The following AFAP1 variants were observed in gnomAD, a reference collection of about 807,000 sequenced individuals.
AFAP1 encodes the protein actin filament associated protein 1, also known as actin filament-associated protein 1.
AFAP1 carries 75 observed loss-of-function variants against 93.9 expected under a neutral mutation model. That is an observed-to-expected ratio of 0.80 (90% CI 0.66 to 0.97). AFAP1 has a LOEUF of 0.97. Among genes scored for constraint, AFAP1 ranks in the 50% least tolerant of loss-of-function variants. AFAP1 has a pLI of 0.00. For synonymous variants in AFAP1, 517 were observed against 430.7 expected (o/e 1.20, Z -2.48); for missense variants, 1,201 against 1,050.8 (o/e 1.14, Z -1.98).
chr4:7,816,141 T>C, intron 7 of AFAP1, 42 bp from the exon 8 acceptor site: 2 of 1,543,700 alleles, frequency 1.3e-6, no homozygotes, highest in African/African-American at 2.7e-5. Flanking sequence ...CAGTGGTCAC[T>C]TGGACCCAGT....
rs28680312 is a variant in AFAP1 at position 7,857,023 on chromosome 4, G to A, written c.226-1449C>T. 2.2e-3 allele frequency among the ~76,000 whole-genome samples: 337 copies of A among 152,222 alleles called. 1 individual carries two copies. The highest frequency in any genetic ancestry group is 7.6e-3 in the African/African-American group (314 of 41,536). On this transcript the variant is annotated intron_variant, in intron 3 of 17. Transcript: ENST00000420658. Reference sequence around the variant, plus strand: ...GCCAGCTGGAGTTTTCAAACACCACGTCTGCCTGCTAAAGACCTTTTTAAT... The same window carrying A: ...GCCAGCTGGAGTTTTCAAACACCACATCTGCCTGCTAAAGACCTTTTTAAT...
chr4:7,830,886 G>A (rs1381889949), intron 6 of AFAP1, among the ~76,000 whole-genome samples: 2 of 152,180 alleles, frequency 1.3e-5, no homozygotes, highest in Non-Finnish European at 2.9e-5. Context: ...TGGGATTACA[G>A]AAGTGAAAGT....
rs549196729 is a variant in AFAP1 at position 7,760,725 on chromosome 4, T to C, written c.*3040A>G. On this transcript the variant is annotated 3_prime_UTR_variant, in exon 18 of 18. Coordinates refer to ENST00000420658, the MANE Select transcript of AFAP1 (RefSeq NM_001134647.2). Reference sequence around the variant, plus strand: ...GAAGGCTGATGACACCTTAACAAAATAGAGCCAGGAGCAGAGCCCTGAAGA... The same window carrying C: ...GAAGGCTGATGACACCTTAACAAAACAGAGCCAGGAGCAGAGCCCTGAAGA... 5 of 152,366 alleles carry C rather than the reference T, an allele frequency of 3.3e-5. No individual in the cohort carries two copies. In the South Asian group the frequency reaches 6.2e-4, roughly 19 times the overall value. 9.4% of individuals were successfully genotyped at this position (152,366 alleles called of 1,614,324 possible). A position where few individuals can be genotyped will look rare whatever the true frequency, so the allele number is the denominator to read the frequency against.
chr4:7,925,853 A>AG (rs1553857068), intron 1 of AFAP1, among the ~76,000 whole-genome samples: 1 of 147,254 alleles, frequency 6.8e-6, no homozygotes, highest in Admixed American at 6.8e-5. Flanking sequence ...CTCAAAAAAA[A>AG]AAAGAAAGAA....
rs1435756370 is a variant in AFAP1 at position 7,786,274 on chromosome 4, G to T, written c.1450C>A (p.Leu484Ile). ...GCATAGCCGTTGGAGGTGCCCCCTA[G>T]ATATGGGTTAGCAGATATAACACGC... ...NRRVISANPY[L>I]GGTSNGYAHP... The change falls in exon 12 of 18, where the codon CTA becomes ATA. Residue 484 changes from leucine to isoleucine, a missense_variant. Leu to Ile is a conservative substitution (Grantham distance 5). Transcript: ENST00000420658. The T allele has an allele frequency of 6.2e-7, 1 of 1,614,214 alleles. No homozygotes were observed. The highest frequency in any genetic ancestry group is 8.5e-7 in the Non-Finnish European group (1 of 1,180,044).
intron 14 of AFAP1, chr4:7,776,899 C>T (rs943629241): frequency 1.3e-5 from 2 of 152,208 alleles, no homozygotes; most frequent in Non-Finnish European, 2.9e-5. Flanking sequence ...ATCTTTTGGT[C>T]CCCATGTAAT....
chr4:7,893,404 C>A (rs901470399), intron 1 of AFAP1, among the ~76,000 whole-genome samples: 1 of 151,988 alleles, frequency 6.6e-6, no homozygotes, highest in Admixed American at 6.6e-5. Flanking sequence ...CATGGTGAAA[C>A]CCCGTCTCTA....
chr4:7,844,003 C>T lies in AFAP1; in HGVS notation c.335-653G>A, dbSNP rs144005016. On this transcript the variant is annotated intron_variant, in intron 4 of 17. Coordinates refer to ENST00000420658, the MANE Select transcript of AFAP1 (RefSeq NM_001134647.2). Reference sequence around the variant, plus strand: ...CACCTCAGGGTCTCTGCATGTGCCACGCCCTCTAACAAGCTTCCTGTCCAT... The same window carrying T: ...CACCTCAGGGTCTCTGCATGTGCCATGCCCTCTAACAAGCTTCCTGTCCAT... Among the ~76,000 whole-genome samples the T allele has an allele frequency of 1.8e-4, 28 of 152,296 alleles. 1 individual carries two copies. In the East Asian group the frequency reaches 4.6e-3, roughly 25 times the overall value.
At chr4:7,845,275 A>G (rs1267858558) in intron 4 of AFAP1, among the ~76,000 whole-genome samples, 1 of 151,998 alleles carries the variant, frequency 6.6e-6, no homozygotes, top group Non-Finnish European at 1.5e-5. Context: ...GTAAAAGGCT[A>G]GCCAGGCATG....
intron 1 of AFAP1, chr4:7,872,328 G>C: frequency 2.4e-6 from 1 of 409,394 alleles, no homozygotes; most frequent in Non-Finnish European, 4.3e-6. Context: ...TCCAAAGCCA[G>C]GCTGCCAACA....
rs140023199 is a variant in AFAP1, at chr4:7,863,137, C to T, written c.225+5485G>A. Among the ~76,000 whole-genome samples the T allele has an allele frequency of 9.3e-3, 1,424 of 152,324 alleles. 22 individuals are homozygous for T. Among genetic ancestry groups the T allele is most frequent in the African/African-American group, 0.033 (1,364 of 41,562 alleles). ...CAAAGAGAACAATCTTTTGAAAAGC[C>T]AGGCGCGGTGGCTCACGCCTATAAT... On this transcript the variant is annotated intron_variant, in intron 3 of 17. Coordinates refer to ENST00000420658, the MANE Select transcript of AFAP1 (RefSeq NM_001134647.2).
In AFAP1 at chr4:7,819,825, C is replaced by G. The variant is rs550277434; in HGVS notation, c.727-654G>C. On this transcript the variant is annotated intron_variant, in intron 6 of 17. Transcript: ENST00000420658. ...GGATTCAAGAGCATTGGCTCAGGAC[C>G]TAGTGCCTGGGTTTAATCCTGGCTT... Among the ~76,000 whole-genome samples, 15 of 152,326 alleles carry G rather than the reference C, an allele frequency of 9.8e-5. No homozygotes were observed. In the South Asian group the frequency reaches 2.7e-3, roughly 27 times the overall value.
intron 11 of AFAP1, among the ~76,000 whole-genome samples, chr4:7,789,238 G>A (rs1162712428): frequency 6.6e-6 from 1 of 152,174 alleles, no homozygotes; most frequent in Non-Finnish European, 1.5e-5. Context: ...TGCAGCCAAA[G>A]ACAGAAGTGG....
chr4:7,889,942 T>C (rs1351458471), intron 1 of AFAP1, among the ~76,000 whole-genome samples: 1 of 143,770 alleles, frequency 7.0e-6, no homozygotes, highest in African/African-American at 2.6e-5. Context: ...ATAATAACTC[T>C]GCCCCAAATC....
intron 1 of AFAP1, among the ~76,000 whole-genome samples, chr4:7,905,552 T>C (rs1429691302): frequency 6.6e-6 from 1 of 152,226 alleles, no homozygotes; most frequent in Non-Finnish European, 1.5e-5. Flanking sequence ...AGGTCAACTT[T>C]TCTAAAAAGA....
chr4:7,816,599 G>C (rs973485548), intron 7 of AFAP1, among the ~76,000 whole-genome samples: 4 of 152,158 alleles, frequency 2.6e-5, no homozygotes, highest in Admixed American at 2.6e-4. Flanking sequence ...CCCTTGGAGG[G>C]GGATGGGGGA....
rs988042512 is a variant in AFAP1, at chr4:7,760,993, C to T, written c.*2772G>A. 3 of 152,264 alleles carry T rather than the reference C, an allele frequency of 2.0e-5. No homozygotes were observed. Among genetic ancestry groups the T allele is most frequent in the African/African-American group, 7.2e-5 (3 of 41,474 alleles). 9.4% of individuals were successfully genotyped at this position (152,264 alleles called of 1,614,324 possible). On this transcript the variant is annotated 3_prime_UTR_variant, in exon 18 of 18. Coordinates refer to ENST00000420658, the MANE Select transcript of AFAP1 (RefSeq NM_001134647.2). ...GCCTGCCTGTCGGGCCTCTTGCCCT[C>T]AGCCTGGCTTCGTTATGAAATCAGA...
At chr4:7,840,895 T>C (rs1437242187) in intron 5 of AFAP1, among the ~76,000 whole-genome samples, 7 of 152,362 alleles carry the variant, frequency 4.6e-5, no homozygotes, top group African/African-American at 1.7e-4. Flanking sequence ...CTGTACATAT[T>C]TATGGGGTAC....
At chr4:7,835,507 T>TA (rs1433526534) in intron 6 of AFAP1, among the ~76,000 whole-genome samples, 5 of 27,244 alleles carry the variant, frequency 1.8e-4, no homozygotes, top group East Asian at 1.4e-3. Context: ...CGGGCTGCCT[T>TA]AAGGTTACCT....
Sources: allele counts gnomAD v4.1 joint callset (sites outside exome capture counted in the v4.1 genomes callset), GRCh38; gene constraint gnomAD v4.1.1; transcripts MANE v1.5; gene names NCBI Gene and HGNC (gene_info 2026-07-23, HGNC 2026-07-21).